Variants in MOBP observed in about 807,000 individuals in gnomAD.
MOBP encodes myelin-associated oligodendrocyte basic protein.
MOBP carries 5 observed loss-of-function variants against 15.0 expected under a neutral mutation model. That is an observed-to-expected ratio of 0.33 (90% confidence interval 0.17 to 0.70). The LOEUF is 0.70. Ranked by LOEUF, MOBP falls within the 30% of genes least tolerant of loss-of-function variation. MOBP has a pLI of 0.67. For missense variants in MOBP, 188 were observed against 257.8 expected, an observed-to-expected ratio of 0.73 and a Z score of 1.85; for synonymous variants, 88 against 99.0, an observed-to-expected ratio of 0.89 and a Z score of 0.66.
intron 2 of MOBP, among the ~76,000 whole-genome samples, chr3:39,501,789 A>G (rs1291359361): frequency 1.3e-5 from 2 of 152,188 alleles, no homozygotes; most frequent in East Asian, 1.9e-4. Context: ...CCTATCTTAC[A>G]TGGGTCTCTA....
chr3:39,491,087 T>A (rs1037846111), intron 2 of MOBP, among the ~76,000 whole-genome samples: 1 of 152,220 alleles, frequency 6.6e-6, no homozygotes, highest in Non-Finnish European at 1.5e-5. Flanking sequence ...ACTTTTCCAT[T>A]CTGTTCCTTA....
In MOBP at chr3:39,513,513, C is replaced by T. The variant is rs971579334; in HGVS notation, c.*130C>T. 6 of 1,325,834 alleles carry T rather than the reference C, an allele frequency of 4.5e-6. No homozygotes were observed. In the African/African-American group the frequency reaches 8.8e-5, roughly 20 times the overall value. The allele number at this position is 1,325,834 out of a possible 1,614,324, so 82.1% of individuals were successfully genotyped here. A position where few individuals can be genotyped will look rare whatever the true frequency, so the allele number is the denominator to read the frequency against. On this transcript the variant is annotated 3_prime_UTR_variant, in exon 5 of 5. Coordinates refer to the MOBP transcript ENST00000311042. ...ACCCCTGGATGAAGTTATCTGGCTT[C>T]AAATATTATGCAGGGGCAAACACCT...
chr3:39,482,352 T>C (rs1042274950), intron 2 of MOBP, among the ~76,000 whole-genome samples: 11 of 152,128 alleles, frequency 7.2e-5, no homozygotes, highest in Non-Finnish European at 1.6e-4. Flanking sequence ...GAAGTGATCT[T>C]ACAAAAACGC....
chr3:39,510,167 A>G (rs982857620), intron 4 of MOBP, among the ~76,000 whole-genome samples: 1 of 151,944 alleles, frequency 6.6e-6, no homozygotes, highest in East Asian at 1.9e-4. Flanking sequence ...TAGACTTTCT[A>G]TTTTTTCTAT....
chr3:39,482,651 C>CA (rs10576821), intron 2 of MOBP, among the ~76,000 whole-genome samples: 878 of 80,160 alleles, frequency 0.011, 13 homozygotes, highest in African/African-American at 0.032. Flanking sequence ...CACTCTGTCT[C>CA]AAAAAAAAAA....
At chr3:39,495,891 G>C (rs2042873374) in intron 2 of MOBP, among the ~76,000 whole-genome samples, 2 of 151,172 alleles carry the variant, frequency 1.3e-5, no homozygotes, top group Middle Eastern at 3.4e-3. Context: ...GATAGCTTCT[G>C]ACAAAAGTAC....
At chr3:39,474,517 A>G (rs2125624952) in intron 1 of MOBP, among the ~76,000 whole-genome samples, 2 of 152,346 alleles carry the variant, frequency 1.3e-5, no homozygotes, top group East Asian at 3.9e-4. Context: ...TAAAAATACA[A>G]CATTATAATT....
At chr3:39,471,550 C>T (rs780993661) in intron 1 of MOBP, among the ~76,000 whole-genome samples, 4 of 152,174 alleles carry the variant, frequency 2.6e-5, no homozygotes, top group Admixed American at 1.3e-4. Flanking sequence ...AATTCAATTA[C>T]ACCAGGATAT....
chr3:39,484,996 T>C (rs190771116), intron 2 of MOBP, among the ~76,000 whole-genome samples: 9 of 152,324 alleles, frequency 5.9e-5, no homozygotes, highest in African/African-American at 1.9e-4. Context: ...TCAAAATAAT[T>C]AAGGACTCTC....
At chr3:39,469,068 AC>A (rs1263834507) in intron 1 of MOBP, among the ~76,000 whole-genome samples, 1 of 63,312 alleles carries the variant, frequency 1.6e-5, no homozygotes, top group East Asian at 2.7e-4. Flanking sequence ...ATACATATAT[AC>A]ATATGTGTGT....
chr3:39,469,056 ATATACATATATACATATGTGTGTGTG>A lies in MOBP; in HGVS notation c.-89+1321_-89+1346del, dbSNP rs1559412005. Among the ~76,000 whole-genome samples, 102 of 66,682 alleles carry A rather than the reference ATATACATATATACATATGTGTGTGTG, an allele frequency of 1.5e-3. 19 individuals carry two copies. The highest frequency in any genetic ancestry group is 4.1e-3 in the South Asian group (10 of 2,436). The allele number at this position is 66,682 out of a possible 152,430, so 43.7% of individuals were successfully genotyped here. On this transcript the variant is annotated intron_variant, in intron 1 of 3. Transcript: ENST00000684792. ...TATACATATATACATATGTGTGTGT[ATATACATATATACATATGTGTGTGTG>A]TATATACATATATACATATGTGTGT...
At chr3:39,507,545 A>G (rs1450329428), downstream of MOBP, among the ~76,000 whole-genome samples, 2 of 152,224 alleles carry the variant, frequency 1.3e-5, no homozygotes, top group Non-Finnish European at 2.9e-5. Flanking sequence ...ATAGGCATTA[A>G]GATAGAGGTC....
intron 4 of MOBP, among the ~76,000 whole-genome samples, chr3:39,510,451 A>G (rs564608909): frequency 3.5e-4 from 53 of 152,296 alleles, no homozygotes; most frequent in African/African-American, 1.2e-3. Context: ...ATAATTCATG[A>G]ACATGGTATA....
rs190553361 is a variant in MOBP at position 39,469,138 on chromosome 3, A to G, written c.-89+1398A>G. 2.0e-3 allele frequency among the ~76,000 whole-genome samples: 176 copies of G among 88,464 alleles called. 30 individuals are homozygous for G. The highest frequency in any genetic ancestry group is 8.2e-3 in the East Asian group (33 of 4,040). 58.0% of individuals were successfully genotyped at this position (88,464 alleles called of 152,430 possible). ...TATACATATATACATATGTGTGTGT[A>G]TATACATATATACATATGTGTGTGT... On this transcript the variant is annotated intron_variant, in intron 1 of 3. Transcript: ENST00000684792.
intron 1 of MOBP, among the ~76,000 whole-genome samples, chr3:39,470,527 T>C (rs1312004523): frequency 6.6e-6 from 1 of 152,252 alleles, no homozygotes; most frequent in East Asian, 1.9e-4. Flanking sequence ...ATTGAATTTA[T>C]GGATGAGATG....
intron 4 of MOBP, chr3:39,513,353 T>G: frequency 6.2e-7 from 1 of 1,605,050 alleles, no homozygotes; most frequent in Non-Finnish European, 8.5e-7. Context: ...ACCTATGTCA[T>G]GTGTTTTTCT....
At chr3:39,476,076 C>A (rs1302947804) in intron 1 of MOBP, among the ~76,000 whole-genome samples, 1 of 152,144 alleles carries the variant, frequency 6.6e-6, no homozygotes, top group Non-Finnish European at 1.5e-5. Flanking sequence ...AGCTTCCAAT[C>A]ATCACAGAAG....
intron 2 of MOBP, among the ~76,000 whole-genome samples, chr3:39,491,593 A>G (rs1046447124): frequency 1.1e-4 from 17 of 152,240 alleles, no homozygotes; most frequent in African/African-American, 3.9e-4. Flanking sequence ...ACCAAGAATC[A>G]TACCAGACAA....
At chr3:39,521,795 A>G (rs961918652) in intron 3 of MOBP, among the ~76,000 whole-genome samples, 1 of 152,234 alleles carries the variant, frequency 6.6e-6, no homozygotes, top group Non-Finnish European at 1.5e-5. Flanking sequence ...TCATGCAACT[A>G]CCTCAGAGGA....
Sources: allele counts gnomAD v4.1 joint callset (sites outside exome capture counted in the v4.1 genomes callset), GRCh38; gene constraint gnomAD v4.1.1; transcripts MANE v1.5; gene names NCBI Gene and HGNC (gene_info 2026-07-23, HGNC 2026-07-21).